Variants in CLINT1 observed in about 807,000 individuals in gnomAD.
CLINT1 encodes the protein clathrin interactor 1.
In CLINT1, 15 loss-of-function variants were observed where a neutral mutation model predicts 70.4. The observed-to-expected ratio is 0.21, with a 90% confidence interval of 0.14 to 0.33. The LOEUF (loss-of-function observed/expected upper bound fraction) is 0.33. CLINT1 is among the 10% of genes least tolerant of loss of function. The probability of loss-of-function intolerance (pLI) is 1.00; values close to 1 mark genes in which losing one functional copy is unlikely to be tolerated. For synonymous variants in CLINT1, 227 were observed against 254.7 expected (o/e 0.89, Z 1.04); for missense variants, 615 against 778.1 (o/e 0.79, Z 2.49).
intron 8 of CLINT1, chr5:157,795,565 C>CA (rs1762040789): frequency 1.3e-5 from 2 of 151,772 alleles, no homozygotes; most frequent in South Asian, 4.2e-4. Flanking sequence ...ATTTTAGGGG[C>CA]AAAATGTCAT....
At position 157,858,918 on chromosome 5, in the gene CLINT1, C is replaced by T; in HGVS notation, c.41+12G>A. On this transcript the variant is annotated intron_variant, in intron 1 of 11. Coordinates refer to ENST00000411809, the MANE Select transcript of CLINT1 (RefSeq NM_014666.4). ...ACGTGGGCCTCGGCCACAACTGCCC[C>T]CCGATACTCACGCTTTGTCCACCAG... 1.2e-6 allele frequency: 2 copies of T among 1,603,758 alleles called. No homozygotes were observed. The highest frequency in any genetic ancestry group is 1.7e-6 in the Non-Finnish European group (2 of 1,174,938).
intron 5 of CLINT1, among the ~76,000 whole-genome samples, chr5:157,812,396 G>A (rs1762590757): frequency 6.6e-6 from 1 of 152,168 alleles, no homozygotes; most frequent in Non-Finnish European, 1.5e-5. Context: ...GTGAAAGACA[G>A]TTCCTATTTT....
intron 1 of CLINT1, among the ~76,000 whole-genome samples, chr5:157,821,185 A>T (rs1337484392): frequency 3.4e-5 from 5 of 147,350 alleles, no homozygotes; most frequent in Admixed American, 6.7e-5. Context: ...TATAACACTT[A>T]AAGGTAACCA....
chr5:157,795,047 G>A, intron 8 of CLINT1, 75 bp from the exon 9 acceptor site: 1 of 1,211,698 alleles, frequency 8.3e-7, no homozygotes. Context: ...CCATTTTAGT[G>A]CCACACAAAA....
intron 1 of CLINT1, 39 bp downstream of exon 1, chr5:157,858,891 C>G: frequency 8.1e-7 from 1 of 1,232,018 alleles, no homozygotes; most frequent in Non-Finnish European, 1.1e-6. Flanking sequence ...CCCCCCTCCC[C>G]CACGTGGGCC....
At chr5:157,803,865 T>G (rs1762306191) in intron 7 of CLINT1, 146 bp from the exon 8 acceptor site, 1 of 465,408 alleles carries the variant, frequency 2.1e-6, no homozygotes, top group African/African-American at 2.0e-5. Context: ...GTACTGACCT[T>G]GAATCCTTAT....
chr5:157,805,239 G>A (rs1762351576), intron 7 of CLINT1, among the ~76,000 whole-genome samples: 1 of 152,158 alleles, frequency 6.6e-6, no homozygotes, highest in Admixed American at 6.5e-5. Context: ...CAGTAGTCGG[G>A]GAAAGTGACA....
At chr5:157,831,694 T>C (rs1313921725) in intron 1 of CLINT1, among the ~76,000 whole-genome samples, 1 of 49,482 alleles carries the variant, frequency 2.0e-5, no homozygotes, top group Admixed American at 2.6e-4. Context: ...GAAAATATCC[T>C]TTTTTTTTTT....
chr5:157,837,808 T>C (rs973527261), intron 1 of CLINT1, among the ~76,000 whole-genome samples: 4 of 151,982 alleles, frequency 2.6e-5, no homozygotes, highest in African/African-American at 9.7e-5. Context: ...CATGCCCTGC[T>C]AACTTTTGTG....
At chr5:157,855,154 A>AGGC (rs1753713033) in intron 1 of CLINT1, among the ~76,000 whole-genome samples, 1 of 6,952 alleles carries the variant, frequency 1.4e-4, no homozygotes, top group East Asian at 3.4e-3. Context: ...AAAAAAAAAA[A>AGGC]GGCGGGGGGG....
chr5:157,815,824 A>G (rs1762704374), intron 3 of CLINT1, among the ~76,000 whole-genome samples: 1 of 152,258 alleles, frequency 6.6e-6, no homozygotes, highest in African/African-American at 2.4e-5. Flanking sequence ...TACTATAGGC[A>G]GCTGTAACAC....
chr5:157,827,797 A>T lies in CLINT1; in HGVS notation c.42-10250T>A, dbSNP rs151338926. Among the ~76,000 whole-genome samples, 244 of 152,302 alleles carry T rather than the reference A, an allele frequency of 1.6e-3. 2 individuals carry two copies. Among genetic ancestry groups the T allele is most frequent in the African/African-American group, 5.5e-3 (228 of 41,572 alleles). ...ATTAAAATGAACCTAGACCCCAGAA[A>T]CTGTTCCAAAAGACAAGGCCATGCT... On this transcript the variant is annotated intron_variant, in intron 1 of 11. Coordinates refer to ENST00000411809, the MANE Select transcript of CLINT1 (RefSeq NM_014666.4).
chr5:157,814,715 G>A (rs931635880), intron 3 of CLINT1, among the ~76,000 whole-genome samples: 2 of 152,086 alleles, frequency 1.3e-5, no homozygotes, highest in Non-Finnish European at 2.9e-5. Flanking sequence ...TTAATTTTGA[G>A]GTTAATTATG....
intron 1 of CLINT1, among the ~76,000 whole-genome samples, chr5:157,826,178 G>GT (rs1312502898): frequency 6.6e-6 from 1 of 152,078 alleles, no homozygotes; most frequent in African/African-American, 2.4e-5. Flanking sequence ...ACCCTTGTGT[G>GT]TATCTTCAAA....
At chr5:157,789,064 T>C (rs924023148) in intron 11 of CLINT1, among the ~76,000 whole-genome samples, 1 of 151,666 alleles carries the variant, frequency 6.6e-6, no homozygotes, top group Non-Finnish European at 1.5e-5. Context: ...TGTTTGTCCA[T>C]CGTATTTGCC....
intron 1 of CLINT1, among the ~76,000 whole-genome samples, chr5:157,840,880 TAAAA>T (rs1181393744): frequency 1.3e-5 from 2 of 151,976 alleles, no homozygotes; most frequent in African/African-American, 4.8e-5. Context: ...CCCATCTCTT[TAAAA>T]AAGAGAAAAG....
At chr5:157,835,808 C>T (rs577075824) in intron 1 of CLINT1, among the ~76,000 whole-genome samples, 23 of 152,244 alleles carry the variant, frequency 1.5e-4, no homozygotes, top group Admixed American at 9.2e-4. Context: ...TCAATGACCC[C>T]TTGCCAAGAC....
chr5:157,825,066 C>A (rs1305340368), intron 1 of CLINT1, among the ~76,000 whole-genome samples: 9 of 152,048 alleles, frequency 5.9e-5, no homozygotes, highest in Admixed American at 5.9e-4. Flanking sequence ...AAAGAAAATA[C>A]CAGTTTGATT....
intron 5 of CLINT1, among the ~76,000 whole-genome samples, chr5:157,810,633 T>G (rs186551209): frequency 9.9e-5 from 15 of 152,242 alleles, no homozygotes; most frequent in African/African-American, 3.6e-4. Context: ...AAAGGAGACA[T>G]AGGAATTACA....
Sources: gnomAD v4.1 joint callset for allele counts (sites outside exome capture counted in the v4.1 genomes callset) on GRCh38, gnomAD v4.1.1 for gene constraint, MANE v1.5 for transcripts, NCBI Gene and HGNC (gene_info 2026-07-23, HGNC 2026-07-21) for gene names.